The following CATSPERB variants were observed in gnomAD, a reference collection of about 807,000 sequenced individuals.
The protein encoded by CATSPERB is cation channel sperm-associated auxiliary subunit beta.
A neutral mutation model predicts 128.3 loss-of-function variants in CATSPERB; 93 were observed. The ratio of observed to expected loss-of-function variants is 0.72; its 90% CI spans 0.61 to 0.86. CATSPERB has a LOEUF of 0.86. Ranked by LOEUF, CATSPERB falls within the 40% of genes least tolerant of loss-of-function variation. The pLI is 0.00. For synonymous variants in CATSPERB, 381 were observed against 448.8 expected (o/e 0.85, Z 1.91); for missense variants, 1,153 against 1,329.5 (o/e 0.87, Z 2.06).
chr14:91,723,836 T>C (rs1896073767), intron 3 of CATSPERB, among the ~76,000 whole-genome samples: 1 of 109,186 alleles, frequency 9.2e-6, no homozygotes, highest in Non-Finnish European at 2.2e-5. Flanking sequence ...ATTAACATTC[T>C]AATGGAGATT....
At chr14:91,636,209 A>G (rs544509163) in intron 17 of CATSPERB, 2 of 476,748 alleles carry the variant, frequency 4.2e-6, no homozygotes, top group East Asian at 3.2e-5. Flanking sequence ...CAAAAAATAC[A>G]AAACTTAGCC....
chr14:91,692,343 C>T (rs556930358), intron 9 of CATSPERB, among the ~76,000 whole-genome samples: 31 of 152,074 alleles, frequency 2.0e-4, no homozygotes, highest in Non-Finnish European at 4.1e-4. Flanking sequence ...ATACAATCCC[C>T]GTCTACTTCT....
chr14:91,615,643 G>A (rs1893921928), intron 20 of CATSPERB, among the ~76,000 whole-genome samples: 1 of 152,134 alleles, frequency 6.6e-6, no homozygotes, highest in Non-Finnish European at 1.5e-5. Context: ...TTAAAAGGCT[G>A]AGTAGTATTA....
chr14:91,587,416 C>T (rs1048904398), intron 25 of CATSPERB, 140 bp from the exon 26 acceptor site: 5 of 356,702 alleles, frequency 1.4e-5, no homozygotes, highest in African/African-American at 1.1e-4. Context: ...GGCTCTCGGA[C>T]ATACACATCA....
chr14:91,634,400 C>A (rs1303959296), intron 17 of CATSPERB, among the ~76,000 whole-genome samples: 1 of 151,738 alleles, frequency 6.6e-6, no homozygotes, highest in Non-Finnish European at 1.5e-5. Context: ...GTTCAAGGAT[C>A]AATTGTACTG....
chr14:91,717,893 C>T (rs1025155917), intron 5 of CATSPERB, among the ~76,000 whole-genome samples: 1 of 152,176 alleles, frequency 6.6e-6, no homozygotes, highest in African/African-American at 2.4e-5. Flanking sequence ...CCATCCCCTC[C>T]TATTACAGTA....
At chr14:91,644,643 A>AT (rs1307513406) in intron 15 of CATSPERB, among the ~76,000 whole-genome samples, 1 of 64,652 alleles carries the variant, frequency 1.5e-5, no homozygotes, top group East Asian at 6.3e-4. Flanking sequence ...TGCCCTTAAC[A>AT]TTTTTTCCTT....
chr14:91,668,005 A>G (rs529534418), intron 14 of CATSPERB, among the ~76,000 whole-genome samples: 2 of 152,280 alleles, frequency 1.3e-5, no homozygotes, highest in East Asian at 3.9e-4. Context: ...AACAACTTCT[A>G]CCGAGGACAC....
intron 18 of CATSPERB, among the ~76,000 whole-genome samples, chr14:91,623,427 T>C (rs1894093285): frequency 1.3e-5 from 2 of 152,184 alleles, no homozygotes; most frequent in Admixed American, 1.3e-4. Context: ...CTCAAGCCTC[T>C]TCCCTTCTAT....
chr14:91,596,917 C>T (rs573068739), intron 22 of CATSPERB, among the ~76,000 whole-genome samples: 3 of 150,304 alleles, frequency 2.0e-5, no homozygotes, highest in South Asian at 2.1e-4. Flanking sequence ...GACAGAGTCT[C>T]GCACTGTCAC....
At chr14:91,665,512 G>A (rs1477409508) in intron 14 of CATSPERB, among the ~76,000 whole-genome samples, 1 of 152,140 alleles carries the variant, frequency 6.6e-6, no homozygotes, top group Non-Finnish European at 1.5e-5. Flanking sequence ...ACCACCAAAT[G>A]CAAATTGTGT....
Position 91,610,665 on chromosome 14 carries a change from G to C in CATSPERB, c.2413C>G (p.Leu805Val). ...GAGGCTGACCACATAATAAATGCCA[G>C]TGAAGTTGAACCCTGGAAATAACCA... is the stretch of plus-strand genomic sequence containing the variant. Reference protein sequence around the residue: ...SKVLHQGSTSLAFIMWSASTE... With the variant: ...SKVLHQGSTSVAFIMWSASTE... The change falls in exon 21 of 27, where the codon CTG (leucine) becomes GTG (valine). Residue 805 changes from leucine (L) to valine (V), a missense_variant. Leu to Val is a conservative substitution (Grantham distance 32, BLOSUM62 1). Coordinates refer to ENST00000256343, the MANE Select transcript of CATSPERB (RefSeq NM_024764.4). 1 of 1,611,226 alleles carries C rather than the reference G, an allele frequency of 6.2e-7. No homozygotes were observed. Among genetic ancestry groups the C allele is most frequent in the Non-Finnish European group, 8.5e-7 (1 of 1,177,836 alleles).
At chr14:91,696,374 G>T (rs1895561355) in intron 7 of CATSPERB, among the ~76,000 whole-genome samples, 1 of 152,236 alleles carries the variant, frequency 6.6e-6, no homozygotes, top group Admixed American at 6.5e-5. Flanking sequence ...TTTGAGCAGA[G>T]ACTGGTCGAC....
At chr14:91,706,636 A>C (rs1895737334) in intron 6 of CATSPERB, among the ~76,000 whole-genome samples, 1 of 152,168 alleles carries the variant, frequency 6.6e-6, no homozygotes, top group Non-Finnish European at 1.5e-5. Context: ...AAATAGAGAC[A>C]AGGTTTTACA....
chr14:91,648,104 C>G (rs1293528599), intron 15 of CATSPERB, among the ~76,000 whole-genome samples: 2 of 152,130 alleles, frequency 1.3e-5, no homozygotes, highest in Non-Finnish European at 2.9e-5. Context: ...TGGTTTCATT[C>G]ATAATTTGCC....
At chr14:91,647,978 T>C (rs1330633875) in intron 15 of CATSPERB, among the ~76,000 whole-genome samples, 1 of 152,230 alleles carries the variant, frequency 6.6e-6, no homozygotes, top group Admixed American at 6.5e-5. Context: ...GTCCCTTGGA[T>C]ACTGTGTTCT....
At chr14:91,686,018 CT>C (rs1895368727) in intron 10 of CATSPERB, among the ~76,000 whole-genome samples, 1 of 152,168 alleles carries the variant, frequency 6.6e-6, no homozygotes, top group Non-Finnish European at 1.5e-5. Context: ...GGATCTTATA[CT>C]TCCTATTACC....
intron 5 of CATSPERB, among the ~76,000 whole-genome samples, chr14:91,710,937 G>A (rs1895829391): frequency 6.6e-6 from 1 of 152,184 alleles, no homozygotes; most frequent in Non-Finnish European, 1.5e-5. Flanking sequence ...TTATTGTAGA[G>A]TTGAGTGTCT....
At chr14:91,709,408 T>A (rs973720281) in intron 5 of CATSPERB, 3 of 151,262 alleles carry the variant, frequency 2.0e-5, no homozygotes, top group Admixed American at 6.6e-5. Context: ...GGGCCAGGCA[T>A]GGTGGCTTAT....
Sources: gnomAD v4.1 joint callset for allele counts (sites outside exome capture counted in the v4.1 genomes callset) on GRCh38, gnomAD v4.1.1 for gene constraint, MANE v1.5 for transcripts, NCBI Gene and HGNC (gene_info 2026-07-23, HGNC 2026-07-21) for gene names.